Variants in XKR6 observed in about 807,000 individuals in gnomAD.
XKR6 encodes the protein XK related 6.
Under a neutral mutation model 56.7 loss-of-function variants are expected in XKR6, and 22 were observed. The observed-to-expected ratio is 0.39, with a 90% CI of 0.28 to 0.55. The LOEUF (loss-of-function observed/expected upper bound fraction) is 0.55, where lower values mean the gene tolerates loss of function less well. XKR6 is among the 20% of genes least tolerant of loss of function. The probability of loss-of-function intolerance (pLI) is 0.66; values close to 1 mark genes in which losing one functional copy is unlikely to be tolerated. For synonymous variants in XKR6, 524 were observed against 387.8 expected, an observed-to-expected ratio of 1.35 and a Z score of -4.13; for missense variants, 852 against 889.0, an observed-to-expected ratio of 0.96 and a Z score of 0.53.
At chr8:10,900,407 G>A (rs560230709) in intron 2 of XKR6, among the ~76,000 whole-genome samples, 14 of 152,256 alleles carry the variant, frequency 9.2e-5, no homozygotes, top group East Asian at 3.9e-4. Flanking sequence ...CTGGCTCTGC[G>A]TCACCCGTCT....
At chr8:11,027,734 G>C (rs1798901454) in intron 1 of XKR6, among the ~76,000 whole-genome samples, 1 of 152,152 alleles carries the variant, frequency 6.6e-6, no homozygotes, top group South Asian at 2.1e-4. Flanking sequence ...ATTACTTGTG[G>C]GTAAGAACAG....
At chr8:11,137,902 TC>T (rs1473201218) in intron 1 of XKR6, 2 of 356,274 alleles carry the variant, frequency 5.6e-6, no homozygotes, top group African/African-American at 4.3e-5. Flanking sequence ...AAGACTTAGG[TC>T]CAAAATCCTA....
chr8:10,931,871 G>A (rs1801061590), intron 1 of XKR6, among the ~76,000 whole-genome samples: 1 of 151,952 alleles, frequency 6.6e-6, no homozygotes, highest in Non-Finnish European at 1.5e-5. Context: ...AAAAGCTTTT[G>A]CTCTGTGAAT....
At chr8:11,041,743 C>A (rs1261003634) in intron 1 of XKR6, among the ~76,000 whole-genome samples, 2 of 152,180 alleles carry the variant, frequency 1.3e-5, no homozygotes, top group Non-Finnish European at 2.9e-5. Context: ...TCGAAAGAAA[C>A]CCCTCTGCCA....
Position 11,194,741 on chromosome 8 carries a change from T to C in XKR6, c.764+5835A>G, listed in dbSNP as rs77509366. On this transcript the variant is annotated intron_variant, in intron 1 of 2. Coordinates refer to ENST00000416569, the MANE Select transcript of XKR6 (RefSeq NM_173683.4). Reference sequence around the variant, plus strand: ...GCACTGCATAAGCCTGACTAGGCAATTGACCTTATGAATAAGTCTATAGTA... The same window carrying C: ...GCACTGCATAAGCCTGACTAGGCAACTGACCTTATGAATAAGTCTATAGTA... The C allele has an allele frequency of 4.1e-4, 74 of 181,052 alleles. 1 individual carries two copies. Among genetic ancestry groups the C allele is most frequent in the East Asian group, 2.4e-3 (15 of 6,210 alleles). 11.2% of individuals were successfully genotyped at this position (181,052 alleles called of 1,614,324 possible).
intron 1 of XKR6, chr8:11,123,791 C>T (rs536416428): frequency 4.4e-6 from 2 of 449,478 alleles, no homozygotes; most frequent in Non-Finnish European, 9.0e-6. Flanking sequence ...GTCTCCTCAT[C>T]TCAGTGTAAT....
At chr8:11,071,839 G>T (rs1800137747) in intron 1 of XKR6, among the ~76,000 whole-genome samples, 1 of 150,254 alleles carries the variant, frequency 6.7e-6, no homozygotes, top group African/African-American at 2.5e-5. Flanking sequence ...TAACCCAAGT[G>T]AAAGTCCTCT....
At chr8:11,084,279 C>T (rs1053082667) in intron 1 of XKR6, among the ~76,000 whole-genome samples, 30 of 152,358 alleles carry the variant, frequency 2.0e-4, no homozygotes, top group African/African-American at 6.3e-4. Flanking sequence ...ACGCCATCTG[C>T]GTACACTGCT....
intron 1 of XKR6, among the ~76,000 whole-genome samples, chr8:10,994,883 G>C (rs1291124415): frequency 1.3e-5 from 2 of 152,178 alleles, no homozygotes; most frequent in African/African-American, 2.4e-5. Context: ...CAGTGGGTGG[G>C]ACAGCAAAAA....
chr8:10,920,224 G>C (rs1456288136), intron 2 of XKR6, among the ~76,000 whole-genome samples: 1 of 152,148 alleles, frequency 6.6e-6, no homozygotes, highest in Non-Finnish European at 1.5e-5. Flanking sequence ...GGTCTCACCA[G>C]TAAAGCCTGA....
At position 11,200,777 on chromosome 8, in the gene XKR6, T is replaced by TAGTC; in HGVS notation, c.559_562dup (p.Tyr188Ter). On this transcript the variant is annotated stop_gained and frameshift_variant, in exon 1 of 3. Transcript: ENST00000416569. LOFTEE classifies it high-confidence loss of function. This position sits in a 1 kb window ranked among gnomAD's most constrained non-coding sequence, Gnocchi z 6.4. ...CACGGCGCCCAGCCCGCCGCCCGTG[T>TAGTC]AGTCCTGCACGAACCAGCGGAAGCT... 6.2e-7 allele frequency: 1 copy of TAGTC among 1,604,722 alleles called. No individual in the cohort carries two copies. Among genetic ancestry groups the TAGTC allele is most frequent in the Non-Finnish European group, 8.5e-7 (1 of 1,176,768 alleles).
intron 1 of XKR6, among the ~76,000 whole-genome samples, chr8:11,135,951 A>C (rs1800368851): frequency 6.6e-6 from 1 of 152,232 alleles, no homozygotes; most frequent in Non-Finnish European, 1.5e-5. Flanking sequence ...GGAATAGATT[A>C]ATATATTGTT....
chr8:11,155,467 C>G (rs2409718), intron 1 of XKR6, among the ~76,000 whole-genome samples: 1 of 152,058 alleles, frequency 6.6e-6, no homozygotes, highest in Non-Finnish European at 1.5e-5. Flanking sequence ...GACTTCACAA[C>G]AGTTGTGCAT....
rs1042343137 is a variant in XKR6, at chr8:11,200,726, G to A, written c.614C>T (p.Pro205Leu). 4 of 1,590,204 alleles carry A rather than the reference G, an allele frequency of 2.5e-6. No individual in the cohort carries two copies. Among genetic ancestry groups the A allele is most frequent in the East Asian group, 2.4e-5 (1 of 42,488 alleles). Residue 205 changes from proline (P) to leucine (L), a missense_variant, in exon 1 of 3, where the codon CCC becomes CTC. Transcript: ENST00000416569. The surrounding 1 kb of genome is among the most constrained non-coding windows in gnomAD (Gnocchi z 6.4). Reference sequence around the variant, plus strand: ...GTGGACGTAGCCGGCCCCCATCATGGGGGGGCCCCGGCTGGTGAGCCCCTC... The same window carrying A: ...GTGGACGTAGCCGGCCCCCATCATGAGGGGGCCCCGGCTGGTGAGCCCCTC... ...AVEGLTSRGP[P>L]MMGAGYVHGA...
chr8:11,180,045 G>A (rs1297243626), intron 1 of XKR6, among the ~76,000 whole-genome samples: 2 of 152,040 alleles, frequency 1.3e-5, no homozygotes, highest in Non-Finnish European at 2.9e-5. Context: ...AGGCTGAGGT[G>A]GGAGAACTGT....
chr8:10,954,866 C>CCT (rs1554515116), intron 1 of XKR6, among the ~76,000 whole-genome samples: 21 of 92,802 alleles, frequency 2.3e-4, no homozygotes, highest in Non-Finnish European at 3.0e-4. Context: ...ACTTCATTCT[C>CCT]TTTTTTTTTT....
intron 1 of XKR6, among the ~76,000 whole-genome samples, chr8:11,170,414 C>T (rs563436758): frequency 1.3e-5 from 2 of 152,248 alleles, no homozygotes; most frequent in African/African-American, 4.8e-5. Context: ...ATGGATGAAC[C>T]TTGTAACATT....
At chr8:11,046,281 T>C (rs1309750033) in intron 1 of XKR6, among the ~76,000 whole-genome samples, 2 of 152,026 alleles carry the variant, frequency 1.3e-5, no homozygotes, top group African/African-American at 4.8e-5. Context: ...GTGCCTGTAA[T>C]CCCGGCTACT....
chr8:11,063,606 A>G (rs570730737), intron 1 of XKR6, among the ~76,000 whole-genome samples: 49 of 152,324 alleles, frequency 3.2e-4, no homozygotes, highest in Admixed American at 1.4e-3. Context: ...GTCCAGCACA[A>G]ACATGTATAT....
Sources: allele counts gnomAD v4.1 joint callset (sites outside exome capture counted in the v4.1 genomes callset), GRCh38; gene constraint gnomAD v4.1.1; non-coding constraint Gnocchi (gnomAD v3.1); transcripts MANE v1.5; gene names NCBI Gene and HGNC (gene_info 2026-07-23, HGNC 2026-07-21).